The following PCMTD1 variants were observed in gnomAD, a reference collection of about 807,000 sequenced individuals.
PCMTD1 encodes protein-L-isoaspartate O-methyltransferase domain-containing protein 1.
A neutral mutation model predicts 37.6 loss-of-function variants in PCMTD1; 12 were observed. The observed-to-expected ratio is 0.32, with a 90% CI of 0.20 to 0.52. The LOEUF (loss-of-function observed/expected upper bound fraction) is 0.52. Among genes scored for constraint, PCMTD1 ranks in the 20% least tolerant of loss-of-function variants. The pLI is 0.97. For missense variants in PCMTD1, 235 were observed against 421.3 expected (o/e 0.56, Z 3.87); for synonymous variants, 117 against 135.8 (o/e 0.86, Z 0.96).
intron 1 of PCMTD1, among the ~76,000 whole-genome samples, chr8:51,870,689 G>C (rs912043772): frequency 2.0e-5 from 3 of 152,166 alleles, no homozygotes; most frequent in Non-Finnish European, 4.4e-5. Context: ...CTCAAATCCT[G>C]TCTGTGAAGC....
At chr8:51,870,147 C>CTA (rs1211671319) in intron 1 of PCMTD1, 2 of 152,204 alleles carry the variant, frequency 1.3e-5, no homozygotes, top group East Asian at 3.9e-4. Context: ...CTTTCCTTTC[C>CTA]TCCTAGCACC....
intron 1 of PCMTD1, among the ~76,000 whole-genome samples, chr8:51,882,893 C>T (rs2038811639): frequency 1.3e-5 from 2 of 150,372 alleles, no homozygotes; most frequent in East Asian, 3.9e-4. Flanking sequence ...TTTGGGAGGC[C>T]GAGGCAGGCG....
At chr8:51,851,911 A>G (rs2038313880) in intron 2 of PCMTD1, among the ~76,000 whole-genome samples, 1 of 152,046 alleles carries the variant, frequency 6.6e-6, no homozygotes, top group Non-Finnish European at 1.5e-5. Context: ...CAGCCTCCCA[A>G]AGTGCTGGGA....
chr8:51,844,849 C>T (rs951452072), intron 3 of PCMTD1: 4 of 152,234 alleles, frequency 2.6e-5, no homozygotes, highest in Admixed American at 1.3e-4. Context: ...CCCAACAAGC[C>T]GAGTTGAAAT....
chr8:51,897,541 A>T (rs1406907336), intron 1 of PCMTD1, among the ~76,000 whole-genome samples: 7 of 152,242 alleles, frequency 4.6e-5, no homozygotes, highest in Non-Finnish European at 1.0e-4. Context: ...ACCAAAAAGT[A>T]AACTAATTCA....
At chr8:51,883,444 T>C (rs562312128) in intron 1 of PCMTD1, among the ~76,000 whole-genome samples, 4 of 152,108 alleles carry the variant, frequency 2.6e-5, no homozygotes, top group Admixed American at 6.5e-5. Flanking sequence ...TAGATAATAA[T>C]AGAGGGACAC....
intron 2 of PCMTD1, among the ~76,000 whole-genome samples, chr8:51,846,410 G>T (rs4545087): frequency 2.6e-5 from 4 of 152,204 alleles, no homozygotes; most frequent in Non-Finnish European, 5.9e-5. Context: ...TCCCAGCCCC[G>T]AGAGATGTTA....
chr8:51,879,632 A>G (rs1383657172), intron 1 of PCMTD1, among the ~76,000 whole-genome samples: 1 of 152,236 alleles, frequency 6.6e-6, no homozygotes, highest in Admixed American at 6.5e-5. Flanking sequence ...CCTCTGAGCA[A>G]CCAAAGCAAA....
At chr8:51,838,597 A>G (rs5002416) in intron 3 of PCMTD1, among the ~76,000 whole-genome samples, 104,411 of 152,046 alleles carry the variant, frequency 0.69, 42,343 homozygotes, top group Non-Finnish European at 0.9. Context: ...CTACCATGTT[A>G]TCGAACACAG....
chr8:51,848,272 G>GT (rs2038252797), intron 2 of PCMTD1, among the ~76,000 whole-genome samples: 1 of 150,996 alleles, frequency 6.6e-6, no homozygotes, highest in Admixed American at 6.6e-5. Context: ...GGGCAACAGA[G>GT]TGAGACCGTG....
At chr8:51,847,908 T>C (rs1183840331) in intron 2 of PCMTD1, among the ~76,000 whole-genome samples, 1 of 127,174 alleles carries the variant, frequency 7.9e-6, no homozygotes, top group African/African-American at 2.5e-5. Context: ...CAAGGCTTCG[T>C]CTCTACAATA....
chr8:51,890,610 T>C (rs1316706893), intron 1 of PCMTD1, among the ~76,000 whole-genome samples: 13 of 152,190 alleles, frequency 8.5e-5, no homozygotes, highest in Admixed American at 6.5e-4. Flanking sequence ...TACAAAGATA[T>C]AATGATACAT....
chr8:51,877,906 T>G (rs1358752087), intron 1 of PCMTD1, among the ~76,000 whole-genome samples: 4 of 152,200 alleles, frequency 2.6e-5, no homozygotes, highest in Non-Finnish European at 2.9e-5. Flanking sequence ...TTGGAAAATA[T>G]GTACTAAAGT....
At chr8:51,899,082 C>T (rs887570665), upstream of PCMTD1, 2 of 1,490,290 alleles carry the variant, frequency 1.3e-6, no homozygotes, top group East Asian at 5.4e-5. Flanking sequence ...CAGAGCCTCC[C>T]GGACTCCGGA....
intron 1 of PCMTD1, among the ~76,000 whole-genome samples, chr8:51,880,759 C>A (rs1014246850): frequency 6.6e-6 from 1 of 152,188 alleles, no homozygotes; most frequent in Admixed American, 6.5e-5. Flanking sequence ...CAAACTTTTT[C>A]TGAAAAGGCC....
chr8:51,820,462 A>T lies in PCMTD1; in HGVS notation c.963T>A (p.Asn321Lys), dbSNP rs774782829. Residue 321 changes from asparagine to lysine, a missense_variant, in exon 6 of 6, where the codon AAT becomes AAA. Physicochemically the swap from Asn to Lys is moderately conservative, Grantham distance 94 (BLOSUM62 0). Around this residue, in one of 3 missense-constraint regions of PCMTD1, gnomAD observed 41 missense variants for 36.4 expected, o/e 1.13. Transcript: ENST00000522514. ...GTGGCTCCTCTGGCTTCATTGCTTC[A>T]TTGTGATCTTTTTCCTCCTCTTCTT... ...DNKEEEEKDHNEAMKPEEPPQ... is the reference protein window; with the variant it reads ...DNKEEEEKDHKEAMKPEEPPQ... 6.2e-7 allele frequency: 1 copy of T among 1,613,796 alleles called. No individual in the cohort carries two copies. The highest frequency in any genetic ancestry group is 1.3e-5 in the African/African-American group (1 of 74,898).
At chr8:51,856,620 A>G (rs1178883826) in intron 2 of PCMTD1, among the ~76,000 whole-genome samples, 1 of 152,258 alleles carries the variant, frequency 6.6e-6, no homozygotes, top group African/African-American at 2.4e-5. Flanking sequence ...TAACTGGTGA[A>G]TGGATAAACA....
At chr8:51,864,300 T>C (rs1291811301) in intron 1 of PCMTD1, among the ~76,000 whole-genome samples, 1 of 152,082 alleles carries the variant, frequency 6.6e-6, no homozygotes, top group East Asian at 1.9e-4. Flanking sequence ...TCGACTGAAA[T>C]ACAATAATGG....
At position 51,861,079 on chromosome 8, in the gene PCMTD1, G is replaced by A. The variant is rs2038463197; in HGVS notation, c.73C>T (p.Arg25Cys). ...IDNLKEAQYIRTERVEQAFRA... is the reference protein window; with the variant it reads ...IDNLKEAQYICTERVEQAFRA... The stretch of plus-strand genomic sequence containing the variant: ...AAGGCTTGCTCCACTCTTTCAGTAC[G>A]AATATACTGAGCTTCTTTTAAATTA... The change falls in exon 2 of 6, where the codon CGT becomes TGT. Residue 25 changes from arginine to cysteine, a missense_variant. Coordinates refer to ENST00000522514, the MANE Select transcript of PCMTD1 (RefSeq NM_052937.4). 4 of 1,613,828 alleles carry A rather than the reference G, an allele frequency of 2.5e-6. No individual in the cohort carries two copies. Among genetic ancestry groups the A allele is most frequent in the Non-Finnish European group, 2.5e-6 (3 of 1,179,888 alleles).
Sources: gnomAD v4.1 joint callset for allele counts (sites outside exome capture counted in the v4.1 genomes callset) on GRCh38, gnomAD v4.1.1 for gene constraint, gnomAD v4.1.1 regional missense constraint, MANE v1.5 for transcripts, NCBI Gene and HGNC (gene_info 2026-07-23, HGNC 2026-07-21) for gene names.